The following TECPR2 variants were observed in gnomAD, a reference collection of about 807,000 sequenced individuals.
TECPR2 encodes the protein tectonin beta-propeller repeat-containing protein 2.
TECPR2 carries 65 observed loss-of-function variants against 138.1 expected under a neutral mutation model. The observed-to-expected ratio is 0.47, with a 90% CI of 0.39 to 0.58. TECPR2 has a LOEUF of 0.58. Among genes scored for constraint, TECPR2 ranks in the 20% least tolerant of loss-of-function variants. The pLI is 0.00. For synonymous variants in TECPR2, 746 were observed against 749.8 expected, an observed-to-expected ratio of 0.99 and a Z score of 0.08; for missense variants, 1,553 against 1,824.5, an observed-to-expected ratio of 0.85 and a Z score of 2.71.
chr14:102,476,526 A>G (rs535565751), intron 17 of TECPR2, among the ~76,000 whole-genome samples: 20 of 152,196 alleles, frequency 1.3e-4, no homozygotes, highest in Non-Finnish European at 2.4e-4. Context: ...CACAGCAGTG[A>G]AAAACCATCC....
chr14:102,468,355 T>C (rs1391790668), intron 17 of TECPR2, among the ~76,000 whole-genome samples: 1 of 151,912 alleles, frequency 6.6e-6, no homozygotes, highest in East Asian at 1.9e-4. Context: ...GCCTGGCTAA[T>C]TTTTGTATTT....
chr14:102,407,511 C>A (rs376118568), intron 3 of TECPR2, 45 bp downstream of exon 3: 26 of 1,538,734 alleles, frequency 1.7e-5, no homozygotes, highest in Non-Finnish European at 2.3e-5. Flanking sequence ...TTGGCACATT[C>A]CTCATGGATT....
intron 16 of TECPR2, among the ~76,000 whole-genome samples, chr14:102,457,171 G>A (rs1338529885): frequency 4.6e-5 from 7 of 151,806 alleles, no homozygotes; most frequent in Non-Finnish European, 7.4e-5. Context: ...TGCGACCTCC[G>A]CCTCCTGGGT....
chr14:102,482,732 T>C (rs1595146949), intron 17 of TECPR2, among the ~76,000 whole-genome samples: 1 of 152,198 alleles, frequency 6.6e-6, no homozygotes, highest in South Asian at 2.1e-4. Context: ...TTGACCTTGC[T>C]GGATATAGCA....
At position 102,420,014 on chromosome 14, in the gene TECPR2, T is replaced by G. The variant is rs1308879751; in HGVS notation, c.639-4965T>G. On this transcript the variant is annotated intron_variant, in intron 5 of 19. Transcript: ENST00000359520. The surrounding 1 kb of genome is among the most constrained non-coding windows in gnomAD (Gnocchi z 4.1). Reference sequence around the variant, plus strand: ...TAGCTGTTGAGATCTCTGGCAGGGCTTCTGTGGATCCTTCTTCTCACTCAG... The same window carrying G: ...TAGCTGTTGAGATCTCTGGCAGGGCGTCTGTGGATCCTTCTTCTCACTCAG... 1.3e-5 allele frequency among the ~76,000 whole-genome samples: 2 copies of G among 152,210 alleles called. No individual in the cohort carries two copies. Among genetic ancestry groups the G allele is most frequent in the Non-Finnish European group, 2.9e-5 (2 of 68,032 alleles).
intron 19 of TECPR2, 52 bp from the exon 20 acceptor site, chr14:102,498,051 A>AAGCTCCCAGCT: frequency 6.9e-6 from 11 of 1,585,256 alleles, no homozygotes; most frequent in Admixed American, 3.4e-5. Flanking sequence ...ATCTGTGCCC[A>AAGCTCCCAGCT]CCCCACAGGC....
chr14:102,460,126 C>T (rs1256138654), intron 16 of TECPR2, among the ~76,000 whole-genome samples: 2 of 151,940 alleles, frequency 1.3e-5, no homozygotes. Context: ...CAAAAATTAG[C>T]TGGGTGTGGT....
At chr14:102,424,889 G>A (rs150026442) in intron 5 of TECPR2, 90 bp from the exon 6 acceptor site, 20 of 1,318,702 alleles carry the variant, frequency 1.5e-5, no homozygotes, top group South Asian at 5.8e-5. Context: ...AAAAATTCTT[G>A]TTGTACTTAA....
intron 15 of TECPR2, among the ~76,000 whole-genome samples, 157 bp from the exon 16 acceptor site, chr14:102,452,236 AC>A (rs1890163351): frequency 6.6e-6 from 1 of 152,156 alleles, no homozygotes; most frequent in South Asian, 2.1e-4. Flanking sequence ...TTAAAGTGCT[AC>A]ACCGCTCCTG....
At chr14:102,445,284 A>G (rs1274010572) in intron 12 of TECPR2, among the ~76,000 whole-genome samples, 1 of 152,228 alleles carries the variant, frequency 6.6e-6, no homozygotes, top group African/African-American at 2.4e-5. Context: ...CCAGCTGCAC[A>G]GAATAGCCTG....
At chr14:102,458,732 TCTTCCTTCAGGA>T (rs1441831557) in intron 16 of TECPR2, among the ~76,000 whole-genome samples, 1 of 152,008 alleles carries the variant, frequency 6.6e-6, no homozygotes, top group African/African-American at 2.4e-5. Context: ...CTTCAACTCT[TCTTCCTTCAGGA>T]CTCAGTTGAG....
At chr14:102,463,934 A>G (rs936637165) in intron 16 of TECPR2, among the ~76,000 whole-genome samples, 1 of 152,200 alleles carries the variant, frequency 6.6e-6, no homozygotes, top group Non-Finnish European at 1.5e-5. Flanking sequence ...AAAAACAAAC[A>G]GAACAAAAAA....
intron 17 of TECPR2, among the ~76,000 whole-genome samples, chr14:102,476,439 C>T (rs1162536030): frequency 1.3e-5 from 2 of 151,006 alleles, no homozygotes; most frequent in Admixed American, 6.6e-5. Flanking sequence ...ATTGCAATGT[C>T]TGAGCTGAAA....
rs1595154042 is a variant in TECPR2 at position 102,498,934 on chromosome 14, C to G, written c.*677C>G. 2.9e-6 allele frequency: 2 copies of G among 691,964 alleles called. No homozygotes were observed. The highest frequency in any genetic ancestry group is 3.0e-5 in the South Asian group (2 of 66,548). The allele number at this position is 691,964 out of a possible 1,614,324, so 42.9% of individuals were successfully genotyped here. On this transcript the variant is annotated 3_prime_UTR_variant, in exon 20 of 20. Coordinates refer to ENST00000359520, the MANE Select transcript of TECPR2 (RefSeq NM_014844.5). ...CCACACCGCACTGCACCATACCTCACCACATCTCACCACACCACAGCACAC... is the reference window on the plus strand; with the variant it reads ...CCACACCGCACTGCACCATACCTCAGCACATCTCACCACACCACAGCACAC...
chr14:102,488,080 G>A (rs1039054401), intron 17 of TECPR2, among the ~76,000 whole-genome samples: 107 of 151,400 alleles, frequency 7.1e-4, no homozygotes, highest in African/African-American at 2.4e-3. Context: ...CGGACCTCAG[G>A]TGATACGCCT....
At chr14:102,472,871 CT>C (rs1181776699) in intron 17 of TECPR2, among the ~76,000 whole-genome samples, 3 of 152,242 alleles carry the variant, frequency 2.0e-5, no homozygotes, top group Non-Finnish European at 4.4e-5. Context: ...CCTGCCGAGG[CT>C]CCCCTGGGCT....
chr14:102,396,295 G>T (rs757102882), intron 2 of TECPR2, among the ~76,000 whole-genome samples: 7 of 151,996 alleles, frequency 4.6e-5, no homozygotes, highest in Non-Finnish European at 2.9e-5. Context: ...TAGAGACGGA[G>T]TTTCGCCGTG....
rs185813603 is a variant in TECPR2 at position 102,463,300 on chromosome 14, C to A, written c.3641-1841C>A. On this transcript the variant is annotated intron_variant, in intron 16 of 19. Transcript: ENST00000359520. Reference sequence around the variant, plus strand: ...GACGTGGTGGCAGGTGCCTGTAATCCCAGCTACTTGGGAGGCTGAGGCAGG... The same window carrying A: ...GACGTGGTGGCAGGTGCCTGTAATCACAGCTACTTGGGAGGCTGAGGCAGG... 7.5e-3 allele frequency among the ~76,000 whole-genome samples: 1,136 copies of A among 151,776 alleles called. 17 individuals are homozygous for A. The highest frequency in any genetic ancestry group is 0.026 in the African/African-American group (1,061 of 41,382).
intron 14 of TECPR2, 74 bp from the exon 15 acceptor site, chr14:102,450,486 C>A: frequency 6.8e-7 from 1 of 1,465,950 alleles, no homozygotes; most frequent in South Asian, 1.2e-5. Flanking sequence ...CAGCTGTCGT[C>A]CAGAACTAAG....
Sources: gnomAD v4.1 joint callset for allele counts (sites outside exome capture counted in the v4.1 genomes callset) on GRCh38, gnomAD v4.1.1 for gene constraint, Gnocchi (gnomAD v3.1) non-coding constraint, MANE v1.5 for transcripts, NCBI Gene and HGNC (gene_info 2026-07-23, HGNC 2026-07-21) for gene names.